Variants in STK38L observed in about 807,000 individuals in gnomAD.
STK38L encodes the protein serine/threonine-protein kinase 38-like.
STK38L carries 28 observed loss-of-function variants against 59.7 expected under a neutral mutation model. The ratio of observed to expected loss-of-function variants is 0.47; its 90% CI spans 0.35 to 0.64. The LOEUF is 0.64. Among genes scored for constraint, STK38L ranks in the 30% least tolerant of loss-of-function variants. The pLI is 0.01. For synonymous variants in STK38L, 162 were observed against 176.8 expected (o/e 0.92, Z 0.66); for missense variants, 314 against 555.8 (o/e 0.56, Z 4.37).
chr12:27,288,726 A>G (rs1342049462), intron 1 of STK38L, among the ~76,000 whole-genome samples: 1 of 151,644 alleles, frequency 6.6e-6, no homozygotes, highest in Admixed American at 6.6e-5. Flanking sequence ...TATATTTATA[A>G]ATTTGTTTTT....
At chr12:27,314,971 T>G (rs745912841) in intron 7 of STK38L, 44 bp from the exon 8 acceptor site, 2 of 1,462,870 alleles carry the variant, frequency 1.4e-6, no homozygotes, top group South Asian at 2.5e-5. Flanking sequence ...AGGCTTTTTG[T>G]TTTCAAAGTT....
intron 3 of STK38L, among the ~76,000 whole-genome samples, chr12:27,306,714 A>AACACAC (rs10553623): frequency 0.015 from 2,127 of 139,160 alleles, 44 homozygotes; most frequent in East Asian, 0.055. Flanking sequence ...GAATTTTATA[A>AACACAC]ACACACACAC....
chr12:27,268,924 G>C (rs1314930599), intron 1 of STK38L, among the ~76,000 whole-genome samples: 1 of 152,176 alleles, frequency 6.6e-6, no homozygotes, highest in Middle Eastern at 3.2e-3. Flanking sequence ...CTTCTTTTGA[G>C]AAGTGTCTGT....
intron 1 of STK38L, among the ~76,000 whole-genome samples, chr12:27,247,190 CACA>C: frequency 6.6e-6 from 1 of 152,194 alleles, no homozygotes; most frequent in East Asian, 1.9e-4. Flanking sequence ...CTTTAATCCT[CACA>C]ACAACTGTAT....
At chr12:27,315,982 A>G (rs1487797736) in intron 9 of STK38L, among the ~76,000 whole-genome samples, 1 of 152,136 alleles carries the variant, frequency 6.6e-6, no homozygotes, top group East Asian at 1.9e-4. Flanking sequence ...TCAACAGTCT[A>G]CAGGTTAAGA....
intron 1 of STK38L, among the ~76,000 whole-genome samples, chr12:27,273,488 C>T (rs1943467293): frequency 6.6e-6 from 1 of 151,928 alleles, no homozygotes; most frequent in East Asian, 2.0e-4. Context: ...ATTTACCACT[C>T]GTTAGGGCTA....
In STK38L at chr12:27,315,159, T is replaced by C. The variant is rs368147311; in HGVS notation, c.775+42T>C. 31 of 1,587,888 alleles carry C rather than the reference T, an allele frequency of 2.0e-5. No individual in the cohort carries two copies. In the African/African-American group the frequency reaches 3.2e-4, roughly 17 times the overall value. ...TTTTTCTTCTTTCCCCTGGTTAAGATACTGTAGAGAACAGAAGGTTCTTTC... is the reference window on the plus strand; with the variant it reads ...TTTTTCTTCTTTCCCCTGGTTAAGACACTGTAGAGAACAGAAGGTTCTTTC... On this transcript the variant is annotated intron_variant, in intron 8 of 13. Coordinates refer to ENST00000389032, the MANE Select transcript of STK38L (RefSeq NM_015000.4).
chr12:27,255,789 T>C (rs1943079182), intron 1 of STK38L, among the ~76,000 whole-genome samples: 1 of 152,212 alleles, frequency 6.6e-6, no homozygotes, highest in South Asian at 2.1e-4. Flanking sequence ...TCTGCAATGA[T>C]GACTTCCAAA....
intron 1 of STK38L, among the ~76,000 whole-genome samples, chr12:27,289,251 A>G (rs1332546650): frequency 3.3e-5 from 5 of 152,212 alleles, no homozygotes; most frequent in African/African-American, 9.6e-5. Context: ...TCTAAACATT[A>G]AGATCGGTAA....
chr12:27,262,682 G>T (rs1943224553), intron 1 of STK38L, among the ~76,000 whole-genome samples: 2 of 147,470 alleles, frequency 1.4e-5, no homozygotes, highest in Non-Finnish European at 3.0e-5. Context: ...TCCAGCCTGG[G>T]TGATGGAGTG....
intron 1 of STK38L, among the ~76,000 whole-genome samples, chr12:27,258,009 G>A (rs1167226915): frequency 2.6e-5 from 4 of 151,586 alleles, no homozygotes; most frequent in Non-Finnish European, 5.9e-5. Flanking sequence ...TGACAGGCGA[G>A]TGCCACCACA....
intron 1 of STK38L, among the ~76,000 whole-genome samples, chr12:27,270,438 C>T (rs556347404): frequency 4.6e-5 from 7 of 152,102 alleles, no homozygotes; most frequent in Admixed American, 1.3e-4. Flanking sequence ...AGTGCAGTGG[C>T]GTGATCTCAG....
At chr12:27,252,719 G>A (rs1943003937) in intron 1 of STK38L, among the ~76,000 whole-genome samples, 1 of 152,128 alleles carries the variant, frequency 6.6e-6, no homozygotes, top group African/African-American at 2.4e-5. Context: ...TTCTATTTTT[G>A]TGGCTAGAGT....
At chr12:27,266,275 T>G (rs1217068164) in intron 1 of STK38L, among the ~76,000 whole-genome samples, 1 of 152,196 alleles carries the variant, frequency 6.6e-6, no homozygotes, top group African/African-American at 2.4e-5. Flanking sequence ...ATGAAGAATT[T>G]TGTAGGTCCA....
At chr12:27,266,900 C>G (rs117279446) in intron 1 of STK38L, among the ~76,000 whole-genome samples, 5,158 of 152,244 alleles carry the variant, frequency 0.034, 107 homozygotes, top group South Asian at 0.093. Flanking sequence ...TTGTTTAACC[C>G]AGCATTTTTC....
At chr12:27,260,344 T>C (rs900458331) in intron 1 of STK38L, among the ~76,000 whole-genome samples, 7 of 152,244 alleles carry the variant, frequency 4.6e-5, no homozygotes, top group Non-Finnish European at 1.0e-4. Flanking sequence ...GCAATAATCA[T>C]GTTTGCCTTC....
intron 9 of STK38L, among the ~76,000 whole-genome samples, chr12:27,316,140 A>C (rs902485136): frequency 9.2e-5 from 14 of 152,234 alleles, no homozygotes; most frequent in Non-Finnish European, 1.8e-4. Flanking sequence ...ATAATAGGCT[A>C]ATACCCTCTA....
At chr12:27,318,846 C>A (rs532501993) in intron 11 of STK38L, among the ~76,000 whole-genome samples, 2 of 152,024 alleles carry the variant, frequency 1.3e-5, no homozygotes, top group Admixed American at 6.6e-5. Context: ...AAAAAATTAG[C>A]CGGGCGAGGT....
intron 9 of STK38L, 130 bp downstream of exon 9, chr12:27,315,480 TCA>T (rs1944564212): frequency 2.8e-6 from 2 of 703,552 alleles, no homozygotes; most frequent in African/African-American, 1.8e-5. Context: ...TGCTCTGGGA[TCA>T]CACAGTTTTC....
Sources: gnomAD v4.1 joint callset for allele counts (sites outside exome capture counted in the v4.1 genomes callset) on GRCh38, gnomAD v4.1.1 for gene constraint, MANE v1.5 for transcripts, NCBI Gene and HGNC (gene_info 2026-07-23, HGNC 2026-07-21) for gene names.